The following ARID4A variants were observed in gnomAD, a reference collection of about 807,000 sequenced individuals.
The protein encoded by ARID4A is AT-rich interaction domain 4A, also known as AT-rich interactive domain-containing protein 4A.
ARID4A carries 39 observed loss-of-function variants against 148.6 expected under a neutral mutation model. The ratio of observed to expected loss-of-function variants is 0.26; its 90% CI spans 0.20 to 0.34. The LOEUF is 0.34. Among genes scored for constraint, ARID4A ranks in the 10% least tolerant of loss-of-function variants. ARID4A has a pLI of 1.00. For missense variants in ARID4A, 1,265 were observed against 1,449.1 expected, an observed-to-expected ratio of 0.87 and a Z score of 2.06; for synonymous variants, 475 against 481.2, an observed-to-expected ratio of 0.99 and a Z score of 0.17.
rs1213515422 is a variant in ARID4A at position 58,351,095 on chromosome 14, A to G, written c.1427A>G (p.Asp476Gly). 2.5e-6 allele frequency: 4 copies of G among 1,596,998 alleles called. No homozygotes were observed. Among genetic ancestry groups the G allele is most frequent in the Middle Eastern group, 4.1e-4 (2 of 4,902 alleles). Reference protein sequence around the residue: ...SPRGRRRIARDVNSIKKEIEE... With the variant: ...SPRGRRRIARGVNSIKKEIEE... ...TAGGGACGAAGGAGAATTGCTCGAG[A>G]TGTAAATTCTATTAAAAAGGAAATT... Residue 476 changes from aspartate to glycine, a missense_variant, in exon 16 of 24, where the codon GAT (aspartate) becomes GGT (glycine). Physicochemically the swap from Asp to Gly is moderately conservative, Grantham distance 94 (BLOSUM62 -1). Coordinates refer to ENST00000355431, the MANE Select transcript of ARID4A (RefSeq NM_002892.4).
Position 58,311,523 on chromosome 14 carries a change from G to A in ARID4A, c.274+5411G>A, listed in dbSNP as rs140234618. Among the ~76,000 whole-genome samples, 11 of 152,222 alleles carry A rather than the reference G, an allele frequency of 7.2e-5. 1 individual carries two copies. The highest frequency in any genetic ancestry group is 6.8e-3 in the Middle Eastern group (2 of 294). ...ATTAGTATAGCCATCATGGAAAATA[G>A]CATAGAAGTTCCTCAAAAAATTAAA... On this transcript the variant is annotated intron_variant, in intron 5 of 23. Transcript: ENST00000355431.
intron 10 of ARID4A, 56 bp downstream of exon 10, chr14:58,329,660 A>G: frequency 7.3e-7 from 1 of 1,368,738 alleles, no homozygotes; most frequent in East Asian, 2.3e-5. Context: ...TTTGGAAAAT[A>G]GCAAATAAAG....
chr14:58,342,896 A>G (rs544868392), intron 11 of ARID4A, among the ~76,000 whole-genome samples: 1 of 152,174 alleles, frequency 6.6e-6, no homozygotes, highest in South Asian at 2.1e-4. Flanking sequence ...CCTGGGTGAC[A>G]GGAAGACTCT....
At chr14:58,328,966 C>T (rs1453874025) in intron 9 of ARID4A, among the ~76,000 whole-genome samples, 1 of 148,818 alleles carries the variant, frequency 6.7e-6, no homozygotes, top group East Asian at 2.0e-4. Flanking sequence ...GCACTCCAGC[C>T]TGACGACAGA....
chr14:58,366,559 T>A (rs1594970640), intron 22 of ARID4A, among the ~76,000 whole-genome samples: 1 of 152,168 alleles, frequency 6.6e-6, no homozygotes, highest in East Asian at 1.9e-4. Flanking sequence ...CTAGTAGTAG[T>A]GAAGAAAATG....
chr14:58,326,369 G>A (rs1042898806), intron 8 of ARID4A, among the ~76,000 whole-genome samples: 4 of 152,200 alleles, frequency 2.6e-5, no homozygotes, highest in Non-Finnish European at 5.9e-5. Context: ...CCCGGAAGGC[G>A]GAACTTGCGG....
chr14:58,353,278 T>G (rs926447537), intron 16 of ARID4A, among the ~76,000 whole-genome samples: 2 of 152,188 alleles, frequency 1.3e-5, no homozygotes, highest in African/African-American at 4.8e-5. Context: ...TTTTCTTATT[T>G]TGTTTTGTCA....
intron 7 of ARID4A, among the ~76,000 whole-genome samples, chr14:58,322,835 G>A (rs1218710479): frequency 6.6e-6 from 1 of 150,998 alleles, no homozygotes; most frequent in Non-Finnish European, 1.5e-5. Context: ...GGTGGCATGC[G>A]CCTGTAATCC....
At position 58,304,994 on chromosome 14, in the gene ARID4A, A is replaced by G; in HGVS notation, c.168A>G (p.Val56=). ...CACAATTGGTACAAGATGACCAAGTAAAGGGTCCTTTAAGAGTATGTATGT... is the reference window on the plus strand; with the variant it reads ...CACAATTGGTACAAGATGACCAAGTGAAGGGTCCTTTAAGAGTATGTATGT... ...NTTQLVQDDQ[V]KGPLRVGAIV... The change falls in exon 4 of 24, where the codon GTA becomes GTG. Residue 56 remains valine (V), a synonymous_variant. Transcript: ENST00000355431. 1.2e-6 allele frequency: 2 copies of G among 1,607,120 alleles called. No homozygotes were observed. The highest frequency in any genetic ancestry group is 1.7e-6 in the Non-Finnish European group (2 of 1,177,432).
intron 4 of ARID4A, among the ~76,000 whole-genome samples, chr14:58,305,251 A>G (rs1450232139): frequency 6.6e-6 from 1 of 152,034 alleles, no homozygotes; most frequent in Non-Finnish European, 1.5e-5. Flanking sequence ...TTTTTCACCT[A>G]CCTTTCTGTT....
chr14:58,314,905 G>T (rs763069520), intron 5 of ARID4A, among the ~76,000 whole-genome samples: 62 of 152,296 alleles, frequency 4.1e-4, no homozygotes, highest in Admixed American at 6.5e-4. Flanking sequence ...GAACACTTGA[G>T]GCCAGGAGTT....
chr14:58,323,477 A>C lies in ARID4A; in HGVS notation c.450-8A>C, dbSNP rs1193464020. ...TTAGGATAATGATCAAGTTATTCTAACTTTTAGTACTGAAGATGAAAAGGA... is the reference window on the plus strand; with the variant it reads ...TTAGGATAATGATCAAGTTATTCTACCTTTTAGTACTGAAGATGAAAAGGA... On this transcript the variant is annotated splice_region_variant and splice_polypyrimidine_tract_variant and intron_variant, in intron 7 of 23. Transcript: ENST00000355431. The C allele has an allele frequency of 1.9e-6, 3 of 1,604,250 alleles. No individual in the cohort carries two copies. Among genetic ancestry groups the C allele is most frequent in the Non-Finnish European group, 8.5e-7 (1 of 1,171,100 alleles).
chr14:58,329,440 TTTTA>T, intron 9 of ARID4A, 84 bp from the exon 10 acceptor site: 1 of 876,952 alleles, frequency 1.1e-6, no homozygotes, highest in Non-Finnish European at 1.8e-6. Flanking sequence ...ATTTTGAGGT[TTTTA>T]TTTTTCTATG....
At chr14:58,371,507 T>C (rs2035613377) in intron 23 of ARID4A, among the ~76,000 whole-genome samples, 1 of 152,110 alleles carries the variant, frequency 6.6e-6, no homozygotes, top group South Asian at 2.1e-4. Context: ...TTAAATTAAT[T>C]CTCTTACGGT....
chr14:58,304,970 A>G lies in ARID4A; in HGVS notation c.144A>G (p.Thr48=), dbSNP rs754063446. 8.1e-6 allele frequency: 13 copies of G among 1,608,282 alleles called. No individual in the cohort carries two copies. Among genetic ancestry groups the G allele is most frequent in the Non-Finnish European group, 9.3e-6 (11 of 1,178,056 alleles). Residue 48 remains threonine (T), a synonymous_variant, in exon 4 of 24, where the codon ACA becomes ACG. Transcript: ENST00000355431. ...VKVLLKQDNT[T]QLVQDDQVKG... is the part of the protein sequence containing the mutation. ...TACTCCTGAAACAGGATAATACCACACAATTGGTACAAGATGACCAAGTAA... is the reference window on the plus strand; with the variant it reads ...TACTCCTGAAACAGGATAATACCACGCAATTGGTACAAGATGACCAAGTAA...
chr14:58,306,111 G>A lies in ARID4A; in HGVS notation c.273G>A (p.Val91=), dbSNP rs1206971050. Residue 91 remains valine (V), a splice_region_variant and synonymous_variant, in exon 5 of 24, where the codon GTG becomes GTA. Transcript: ENST00000355431. ...SKLTDASWYT[V]VFDDGDERTL... Reference sequence around the variant, plus strand: ...TGACAGATGCTAGTTGGTATACCGTGGGTAAGTAATTAAGTAATTTAACAC... The same window carrying A: ...TGACAGATGCTAGTTGGTATACCGTAGGTAAGTAATTAAGTAATTTAACAC... The A allele has an allele frequency of 1.2e-6, 2 of 1,608,726 alleles. No homozygotes were observed. Among genetic ancestry groups the A allele is most frequent in the Non-Finnish European group, 1.7e-6 (2 of 1,175,522 alleles).
At position 58,364,435 on chromosome 14, in the gene ARID4A, T is replaced by A; in HGVS notation, c.2346T>A (p.Val782=). The A allele has an allele frequency of 6.2e-7, 1 of 1,613,090 alleles. No individual in the cohort carries two copies. The change falls in exon 20 of 24, where the codon GTT becomes GTA. Residue 782 remains valine (V), a synonymous_variant. Transcript: ENST00000355431. ...ACAAAATGGAAAAAACAGAAGAAGTTAAGAAAGAAGCCGAAAAATCTCCAA... is the reference window on the plus strand; with the variant it reads ...ACAAAATGGAAAAAACAGAAGAAGTAAAGAAAGAAGCCGAAAAATCTCCAA... ...FGNKMEKTEE[V]KKEAEKSPKG...
At chr14:58,322,085 C>T (rs1322552630) in intron 7 of ARID4A, among the ~76,000 whole-genome samples, 1 of 151,888 alleles carries the variant, frequency 6.6e-6, no homozygotes, top group African/African-American at 2.4e-5. Flanking sequence ...ATTCTCGTGC[C>T]TCAGCCTCTC....
In ARID4A at chr14:58,342,846, G is replaced by A. The variant is rs555986077; in HGVS notation, c.907-1849G>A. 3.3e-5 allele frequency among the ~76,000 whole-genome samples: 5 copies of A among 152,272 alleles called. No individual in the cohort carries two copies. In the South Asian group the frequency reaches 1.0e-3, roughly 32 times the overall value. On this transcript the variant is annotated intron_variant, in intron 11 of 23. Coordinates refer to ENST00000355431, the MANE Select transcript of ARID4A (RefSeq NM_002892.4). ...GAGAATCGCTTGAACTCGGGAGGCA[G>A]AGGGTTGCACTGAGCTGAGATTGTG...
Sources: allele counts gnomAD v4.1 joint callset (sites outside exome capture counted in the v4.1 genomes callset), GRCh38; gene constraint gnomAD v4.1.1; transcripts MANE v1.5; gene names NCBI Gene and HGNC (gene_info 2026-07-23, HGNC 2026-07-21).